Variants in NR3C1 observed in about 807,000 individuals in gnomAD.
NR3C1 encodes the protein glucocorticoid receptor.
A neutral mutation model predicts 74.0 loss-of-function variants in NR3C1; 14 were observed. The observed-to-expected ratio is 0.19, with a 90% CI of 0.12 to 0.30. The LOEUF is 0.30. NR3C1 is among the 10% of genes least tolerant of loss of function. NR3C1 has a pLI of 1.00. For missense variants in NR3C1, 695 were observed against 909.8 expected, an observed-to-expected ratio of 0.76 and a Z score of 3.04; for synonymous variants, 308 against 332.5, an observed-to-expected ratio of 0.93 and a Z score of 0.80.
chr5:143,401,616 T>C (rs900478486), intron 1 of NR3C1, among the ~76,000 whole-genome samples: 1 of 152,246 alleles, frequency 6.6e-6, no homozygotes, highest in Admixed American at 6.5e-5. Flanking sequence ...CTCACTACGT[T>C]GTTAGCTTAC....
intron 2 of NR3C1, among the ~76,000 whole-genome samples, chr5:143,363,729 T>C (rs1694353149): frequency 6.6e-6 from 1 of 151,926 alleles, no homozygotes; most frequent in South Asian, 2.1e-4. Context: ...CAAAGAGAAA[T>C]TTTGAAGTAG....
At chr5:143,416,062 T>C (rs1358868440) in intron 1 of NR3C1, among the ~76,000 whole-genome samples, 1 of 152,198 alleles carries the variant, frequency 6.6e-6, no homozygotes, top group Admixed American at 6.5e-5. Flanking sequence ...GAAGGGATTA[T>C]TCAGGGATAC....
intron 1 of NR3C1, among the ~76,000 whole-genome samples, chr5:143,423,099 A>C (rs181014525): frequency 6.6e-6 from 1 of 152,218 alleles, no homozygotes; most frequent in Non-Finnish European, 1.5e-5. Flanking sequence ...AAGACATCAA[A>C]AGCACAGTCA....
intron 2 of NR3C1, chr5:143,375,833 A>T (rs1254464429): frequency 1.3e-5 from 2 of 152,190 alleles, no homozygotes; most frequent in Admixed American, 1.3e-4. Context: ...TTTTTTAAAA[A>T]CTAGGGGAAA....
intron 7 of NR3C1, among the ~76,000 whole-genome samples, chr5:143,284,470 C>CTA (rs1562696125): frequency 3.3e-5 from 5 of 151,892 alleles, no homozygotes; most frequent in African/African-American, 1.2e-4. Context: ...TAATTTTACA[C>CTA]ATTACTATAC....
intron 1 of NR3C1, among the ~76,000 whole-genome samples, chr5:143,424,241 GA>G (rs1283991289): frequency 1.0e-4 from 6 of 58,996 alleles, no homozygotes; most frequent in African/African-American, 2.6e-4. Flanking sequence ...AAATAAAAAA[GA>G]GGGGTGTTTA....
Position 143,295,533 on chromosome 5 carries a change from G to A in NR3C1, c.1950C>T (p.Ser650=). 3 of 1,613,326 alleles carry A rather than the reference G, an allele frequency of 1.9e-6. No individual in the cohort carries two copies. The highest frequency in any genetic ancestry group is 3.3e-5 in the Admixed American group (2 of 59,990). The change falls in exon 7 of 9, where the codon TCC becomes TCT. Residue 650 remains serine, a synonymous_variant. Transcript: ENST00000394464. ...YDQCKHMLYV[S]SELHRLQVSY... Reference sequence around the variant, plus strand: ...ATACCTGAAGCCTGTGTAACTCAGAGGAAACATACAGCATGTGTTTACATT... The same window carrying A: ...ATACCTGAAGCCTGTGTAACTCAGAAGAAACATACAGCATGTGTTTACATT...
chr5:143,297,012 G>T (rs950823911), intron 6 of NR3C1, among the ~76,000 whole-genome samples: 2 of 150,302 alleles, frequency 1.3e-5, no homozygotes, highest in Non-Finnish European at 3.0e-5. Flanking sequence ...TGGAGGCAGA[G>T]GTTGCCATGA....
At chr5:143,409,969 T>G (rs1841238987) in intron 1 of NR3C1, among the ~76,000 whole-genome samples, 3 of 152,232 alleles carry the variant, frequency 2.0e-5, no homozygotes. Context: ...TTCTTTATGC[T>G]GGCAGAACTT....
At chr5:143,395,817 T>A (rs933917194) in intron 2 of NR3C1, among the ~76,000 whole-genome samples, 16 of 151,944 alleles carry the variant, frequency 1.1e-4, no homozygotes, top group African/African-American at 3.6e-4. Context: ...ATGCAGATGT[T>A]CCGACTTTCA....
intron 2 of NR3C1, among the ~76,000 whole-genome samples, chr5:143,316,134 CT>C (rs2151628830): frequency 6.6e-6 from 1 of 152,324 alleles, no homozygotes; most frequent in Admixed American, 6.5e-5. Context: ...CAGGCCACCC[CT>C]GATTAATGGA....
intron 4 of NR3C1, among the ~76,000 whole-genome samples, chr5:143,307,780 G>C (rs1819947369): frequency 6.6e-6 from 1 of 152,188 alleles, no homozygotes; most frequent in Non-Finnish European, 1.5e-5. Context: ...ACATACATAG[G>C]AGATTAGAGA....
rs117828295 is a variant in NR3C1 at position 143,312,249 on chromosome 5, C to T, written c.1351+1753G>A. On this transcript the variant is annotated intron_variant, in intron 3 of 8. Coordinates refer to ENST00000394464, the MANE Select transcript of NR3C1 (RefSeq NM_000176.3). ...TGCATGGTCTTGTGCAGTCCCTTTCCGTCCTTTACCAAGATTGGTCTGTGT... is the reference window on the plus strand; with the variant it reads ...TGCATGGTCTTGTGCAGTCCCTTTCTGTCCTTTACCAAGATTGGTCTGTGT... Among the ~76,000 whole-genome samples the T allele has an allele frequency of 1.3e-3, 196 of 152,206 alleles. 4 individuals are homozygous for T. In the East Asian group the frequency reaches 0.022, roughly 17 times the overall value.
intron 7 of NR3C1, among the ~76,000 whole-genome samples, chr5:143,286,778 T>TAAAACTCTACTTAACAAGAGCACAGTAA: frequency 6.6e-6 from 1 of 152,094 alleles, no homozygotes; most frequent in African/African-American, 2.4e-5. Flanking sequence ...CTGACGTTCA[T>TAAAACTCTACTTAACAAGAGCACAGTAA]AAAACTCTAC....
intron 2 of NR3C1, among the ~76,000 whole-genome samples, chr5:143,323,134 A>C (rs1046190857): frequency 6.6e-6 from 1 of 152,220 alleles, no homozygotes; most frequent in African/African-American, 2.4e-5. Context: ...TGGAACGTGA[A>C]TCATCCCTTT....
intron 2 of NR3C1, among the ~76,000 whole-genome samples, chr5:143,373,733 A>C (rs1402785482): frequency 1.3e-5 from 2 of 152,164 alleles, no homozygotes; most frequent in Non-Finnish European, 2.9e-5. Flanking sequence ...AAAGCAAAAT[A>C]ATGCAAAAAA....
chr5:143,386,903 C>A (rs1457635692), intron 2 of NR3C1, among the ~76,000 whole-genome samples: 1 of 152,216 alleles, frequency 6.6e-6, no homozygotes, highest in Non-Finnish European at 1.5e-5. Flanking sequence ...TATCATCGTG[C>A]ATATGGGCTG....
intron 2 of NR3C1, among the ~76,000 whole-genome samples, chr5:143,365,503 T>C (rs1833033746): frequency 1.3e-5 from 2 of 152,258 alleles, no homozygotes; most frequent in Admixed American, 6.5e-5. Context: ...TACCTAACAA[T>C]AGAATTTCAA....
chr5:143,388,540 T>C (rs965350505), intron 2 of NR3C1, among the ~76,000 whole-genome samples: 2 of 152,284 alleles, frequency 1.3e-5, no homozygotes, highest in Non-Finnish European at 1.5e-5. Flanking sequence ...GGAGCTTACA[T>C]TGTAGCAGGT....
Sources: gnomAD v4.1 joint callset for allele counts (sites outside exome capture counted in the v4.1 genomes callset) on GRCh38, gnomAD v4.1.1 for gene constraint, MANE v1.5 for transcripts, NCBI Gene and HGNC (gene_info 2026-07-23, HGNC 2026-07-21) for gene names.